The following DHRS4 variants were observed in gnomAD, a reference collection of about 807,000 sequenced individuals.
DHRS4 encodes dehydrogenase/reductase SDR family member 4.
In DHRS4, 20 loss-of-function variants were observed where a neutral mutation model predicts 28.4. The ratio of observed to expected loss-of-function variants is 0.71; its 90% CI spans 0.50 to 1.02. The LOEUF (loss-of-function observed/expected upper bound fraction) is 1.02, where lower values mean the gene tolerates loss of function less well. DHRS4 is among the 50% of genes least tolerant of loss of function. The probability of loss-of-function intolerance (pLI) is 0.00; values close to 1 mark genes in which losing one functional copy is unlikely to be tolerated. For synonymous variants in DHRS4, 144 were observed against 146.4 expected (o/e 0.98, Z 0.12); for missense variants, 378 against 367.2 (o/e 1.03, Z -0.24).
At chr14:23,964,885 G>T (rs1285653928) in intron 3 of DHRS4, among the ~76,000 whole-genome samples, 25 of 144,494 alleles carry the variant, frequency 1.7e-4, no homozygotes, top group East Asian at 1.5e-3. Flanking sequence ...CCCTGAGTTT[G>T]TTTTTTTTTT....
intron 2 of DHRS4, among the ~76,000 whole-genome samples, chr14:23,955,830 A>G (rs1302490839): frequency 6.6e-6 from 1 of 152,222 alleles, no homozygotes; most frequent in Non-Finnish European, 1.5e-5. Context: ...TCTCAAAGAA[A>G]GTATATAAGT....
chr14:23,955,267 G>A (rs2138427967), intron 2 of DHRS4, 55 bp downstream of exon 2: 1 of 1,555,154 alleles, frequency 6.4e-7, no homozygotes, highest in East Asian at 2.3e-5. Flanking sequence ...GAGCCAGCCT[G>A]AGCCTCCTTC....
intron 2 of DHRS4, among the ~76,000 whole-genome samples, chr14:23,956,279 A>G (rs1179394944): frequency 2.0e-5 from 3 of 152,260 alleles, no homozygotes; most frequent in Non-Finnish European, 4.4e-5. Flanking sequence ...TGGATCAATT[A>G]GCACTAACCA....
intron 3 of DHRS4, among the ~76,000 whole-genome samples, chr14:23,963,153 G>C (rs1284327225): frequency 1.9e-5 from 2 of 107,712 alleles, no homozygotes; most frequent in Non-Finnish European, 3.4e-5. Context: ...GTAAATCTGA[G>C]GGCCCTAGAA....
intron 2 of DHRS4, among the ~76,000 whole-genome samples, chr14:23,958,583 C>T (rs960629205): frequency 6.6e-6 from 1 of 152,120 alleles, no homozygotes; most frequent in African/African-American, 2.4e-5. Flanking sequence ...CAGTTTCTGC[C>T]TTGAATCTTT....
Position 23,967,232 on chromosome 14 carries a change from G to C in DHRS4, c.688G>C (p.Glu230Gln), listed in dbSNP as rs775993006. ...SRMLWMDKEK[E>Q]ESMKETLRIR... Reference sequence around the variant, plus strand: ...GCAGCTCTGGATGGACAAGGAAAAAGAGGAAAGCATGAAAGAAACCCTGCG... The same window carrying C: ...GCAGCTCTGGATGGACAAGGAAAAACAGGAAAGCATGAAAGAAACCCTGCG... Residue 230 changes from glutamate to glutamine, a missense_variant, in exon 7 of 8, where the codon GAG (glutamate) becomes CAG (glutamine). Glu to Gln is a conservative substitution (Grantham distance 29). Transcript: ENST00000313250. 1 of 1,613,100 alleles carries C rather than the reference G, an allele frequency of 6.2e-7. No individual in the cohort carries two copies. Among genetic ancestry groups the C allele is most frequent in the Non-Finnish European group, 8.5e-7 (1 of 1,179,658 alleles).
At chr14:23,954,417 C>G (rs896690113) in intron 1 of DHRS4, among the ~76,000 whole-genome samples, 7 of 152,276 alleles carry the variant, frequency 4.6e-5, no homozygotes, top group African/African-American at 1.2e-4. Context: ...GCCGACCTTG[C>G]CCAGCCTGTT....
At position 23,964,064 on chromosome 14, in the gene DHRS4, G is replaced by C. The variant is rs561847548; in HGVS notation, c.409-1698G>C. ...AAACAATTATAATAAAACCATGAAAGATCACTCATCACAGATCACCGTAAC... is the reference window on the plus strand; with the variant it reads ...AAACAATTATAATAAAACCATGAAACATCACTCATCACAGATCACCGTAAC... On this transcript the variant is annotated intron_variant, in intron 3 of 7. Transcript: ENST00000313250. 6.0e-5 allele frequency among the ~76,000 whole-genome samples: 9 copies of C among 150,830 alleles called. No individual in the cohort carries two copies. In the East Asian group the frequency reaches 1.7e-3, roughly 29 times the overall value.
chr14:23,959,511 A>T (rs187977180), intron 2 of DHRS4, among the ~76,000 whole-genome samples: 28 of 152,242 alleles, frequency 1.8e-4, no homozygotes, highest in Middle Eastern at 6.8e-3. Context: ...TGAGCTGAGA[A>T]CATGCCACTG....
intron 3 of DHRS4, among the ~76,000 whole-genome samples, chr14:23,962,701 A>C (rs2033465290): frequency 6.6e-6 from 1 of 151,286 alleles, no homozygotes; most frequent in Admixed American, 6.6e-5. Flanking sequence ...ACTCCTGTTA[A>C]TGTAGATATT....
intron 3 of DHRS4, among the ~76,000 whole-genome samples, chr14:23,960,618 C>T (rs149403190): frequency 1.3e-5 from 2 of 150,052 alleles, no homozygotes; most frequent in South Asian, 2.1e-4. Flanking sequence ...ACATTATATT[C>T]GTAATATATT....
At chr14:23,959,841 T>G in intron 2 of DHRS4, 61 bp from the exon 3 acceptor site, 1 of 1,576,662 alleles carries the variant, frequency 6.3e-7, no homozygotes, top group Non-Finnish European at 8.7e-7. Context: ...TTTATCAACA[T>G]GGGTAAATGC....
intron 2 of DHRS4, among the ~76,000 whole-genome samples, chr14:23,958,373 T>C (rs1478086575): frequency 3.3e-5 from 5 of 152,144 alleles, no homozygotes; most frequent in East Asian, 1.9e-4. Flanking sequence ...CGAGGGCCCG[T>C]GTACTGCAAC....
At position 23,953,926 on chromosome 14, in the gene DHRS4, C is replaced by G. The variant is rs545347265; in HGVS notation, c.128+10C>G. 6.4e-7 allele frequency: 1 copy of G among 1,573,322 alleles called. No homozygotes were observed. Among genetic ancestry groups the G allele is most frequent in the African/African-American group, 1.4e-5 (1 of 73,516 alleles). ...CGGCCTCCACCGACGGGTGAGTGCT[C>G]CGGCCGGAGTTTCTGAGGCCCTGGC... On this transcript the variant is annotated intron_variant, in intron 1 of 7. Transcript: ENST00000313250.
chr14:23,960,010 G>C lies in DHRS4; in HGVS notation c.408+7G>C. The C allele has an allele frequency of 6.2e-7, 1 of 1,606,678 alleles. No homozygotes were observed. The highest frequency in any genetic ancestry group is 8.5e-7 in the Non-Finnish European group (1 of 1,179,406). Reference sequence around the variant, plus strand: ...TGAGGAGGTGTGGGACAAGGTGAGAGGGGATTAAAGCAGGGGGGCCGGGGG... The same window carrying C: ...TGAGGAGGTGTGGGACAAGGTGAGACGGGATTAAAGCAGGGGGGCCGGGGG... On this transcript the variant is annotated splice_region_variant and intron_variant, in intron 3 of 7. Transcript: ENST00000313250.
At position 23,960,534 on chromosome 14, in the gene DHRS4, G is replaced by A. The variant is rs1320668679; in HGVS notation, c.408+531G>A. ...ATATTATTTTCTTCTTAACTGCAATGTCAAGAAAATCTGAGATCCAGATGT... is the reference window on the plus strand; with the variant it reads ...ATATTATTTTCTTCTTAACTGCAATATCAAGAAAATCTGAGATCCAGATGT... On this transcript the variant is annotated intron_variant, in intron 3 of 7. Transcript: ENST00000313250. 4.6e-5 allele frequency among the ~76,000 whole-genome samples: 7 copies of A among 151,930 alleles called. 1 individual carries two copies. The highest frequency in any genetic ancestry group is 1.7e-4 in the African/African-American group (7 of 41,288).
At chr14:23,968,494 G>A (rs1301797173) in intron 7 of DHRS4, among the ~76,000 whole-genome samples, 2 of 150,614 alleles carry the variant, frequency 1.3e-5, no homozygotes, top group Admixed American at 6.6e-5. Flanking sequence ...GGATTTTGGT[G>A]TCCTGAGCTC....
intron 6 of DHRS4, among the ~76,000 whole-genome samples, chr14:23,966,922 G>A (rs1220973420): frequency 1.2e-4 from 19 of 152,358 alleles, no homozygotes; most frequent in South Asian, 6.2e-4. Context: ...TTGGGAGGCC[G>A]AGGCGGGCAG....
intron 2 of DHRS4, among the ~76,000 whole-genome samples, chr14:23,957,385 TGG>T: frequency 7.4e-6 from 1 of 135,662 alleles, no homozygotes; most frequent in African/African-American, 3.9e-5. Flanking sequence ...CCTCCTCATC[TGG>T]ACACCACGAA....
Sources: gnomAD v4.1 joint callset for allele counts (sites outside exome capture counted in the v4.1 genomes callset) on GRCh38, gnomAD v4.1.1 for gene constraint, MANE v1.5 for transcripts, NCBI Gene and HGNC (gene_info 2026-07-23, HGNC 2026-07-21) for gene names.